Variants in IQSEC3 observed in about 807,000 individuals in gnomAD.
IQSEC3 encodes IQ motif and SEC7 domain-containing protein 3.
In IQSEC3, 50 loss-of-function variants were observed where a neutral mutation model predicts 105.4. The observed-to-expected ratio is 0.47, with a 90% CI of 0.38 to 0.60. The LOEUF is 0.60. Among genes scored for constraint, IQSEC3 ranks in the 20% least tolerant of loss-of-function variants. IQSEC3 has a pLI of 0.00. For missense variants in IQSEC3, 1,415 were observed against 1,630.0 expected (o/e 0.87, Z 2.27); for synonymous variants, 708 against 746.0 (o/e 0.95, Z 0.83).
chr12:126,594 G>GT (rs1865422824), intron 3 of IQSEC3, among the ~76,000 whole-genome samples: 3 of 150,674 alleles, frequency 2.0e-5, no homozygotes, highest in African/African-American at 4.9e-5. Flanking sequence ...AAGGTGTGAT[G>GT]GTGTGATACT....
Position 152,112 on chromosome 12 carries a change from C to T in IQSEC3, c.2154-4913C>T, listed in dbSNP as rs374655711. Among the ~76,000 whole-genome samples the T allele has an allele frequency of 8.2e-4, 124 of 151,834 alleles. No homozygotes were observed. Among genetic ancestry groups the T allele is most frequent in the Non-Finnish European group, 1.4e-3 (98 of 67,984 alleles). On this transcript the variant is annotated intron_variant, in intron 5 of 13. Transcript: ENST00000538872. This position sits in a 1 kb window ranked among gnomAD's most constrained non-coding sequence, Gnocchi z 4.8. ...CAGGTCCCGAGCACAGCCTTGCACA[C>T]GGGGCCACTCAGTGCTCGTTGCTGA... is the stretch of plus-strand genomic sequence containing the variant.
At chr12:153,012 A>G (rs1866559464) in intron 5 of IQSEC3, among the ~76,000 whole-genome samples, 1 of 152,134 alleles carries the variant, frequency 6.6e-6, no homozygotes, top group Admixed American at 6.5e-5. Context: ...GGCAGCAAAG[A>G]AGGCTGGAAA....
chr12:177,702 C>T lies in IQSEC3; in HGVS notation c.*2669C>T, dbSNP rs1415038282. The T allele has an allele frequency of 6.6e-6, 1 of 152,564 alleles. No homozygotes were observed. Among genetic ancestry groups the T allele is most frequent in the Non-Finnish European group, 1.5e-5 (1 of 68,318 alleles). 9.5% of individuals were successfully genotyped at this position (152,564 alleles called of 1,614,324 possible). A position where few individuals can be genotyped will look rare whatever the true frequency, so the allele number is the denominator to read the frequency against. ...GCAAGTGCCCAACATCTGTAACCTC[C>T]CTTCCCTGCTCAGTCCCCAGGCCAA... On this transcript the variant is annotated 3_prime_UTR_variant, in exon 14 of 14. Transcript: ENST00000538872. The surrounding 1 kb of genome is among the most constrained non-coding windows in gnomAD (Gnocchi z 5.3).
At position 175,416 on chromosome 12, in the gene IQSEC3, T is replaced by A; in HGVS notation, c.*383T>A. 5.0e-6 allele frequency: 1 copy of A among 199,616 alleles called. No homozygotes were observed. Among genetic ancestry groups the A allele is most frequent in the African/African-American group, 2.3e-5 (1 of 43,078 alleles). The allele number at this position is 199,616 out of a possible 1,614,324, so 12.4% of individuals were successfully genotyped here. On this transcript the variant is annotated 3_prime_UTR_variant, in exon 14 of 14. Coordinates refer to ENST00000538872, the MANE Select transcript of IQSEC3 (RefSeq NM_001170738.2). ...GGGCCTCGGGCCTTGGGCAGCAGCA[T>A]GAGGCTGGGCCGGCCGGCAGTGGAG...
At chr12:161,901 A>G in intron 7 of IQSEC3, 25 bp from the exon 8 acceptor site, 2 of 1,473,652 alleles carry the variant, frequency 1.4e-6, no homozygotes, top group Non-Finnish European at 1.8e-6. Flanking sequence ...CCCCACCACC[A>G]CCCCTGCCCA....
At position 138,774 on chromosome 12, in the gene IQSEC3, C is replaced by T; in HGVS notation, c.1411C>T (p.Pro471Ser). ...GCCCGGGGATGACGCCGCGGAGACC[C>T]CCGGCCTGCCCCCGGCCCACAGCGG... ...PGPGDDAAETPGLPPAHSGTL... is the reference protein window; with the variant it reads ...PGPGDDAAETSGLPPAHSGTL... Residue 471 changes from proline to serine, a missense_variant, in exon 4 of 14, where the codon CCC becomes TCC. Pro to Ser is a moderately conservative substitution (Grantham distance 74). This residue lies in a region of IQSEC3 where 720 missense variants were observed against 633.0 expected (regional missense o/e 1.14). Transcript: ENST00000538872. This position sits in a 1 kb window ranked among gnomAD's most constrained non-coding sequence, Gnocchi z 7.1. The T allele has an allele frequency of 6.3e-7, 1 of 1,595,128 alleles. No homozygotes were observed. Among genetic ancestry groups the T allele is most frequent in the Non-Finnish European group, 8.5e-7 (1 of 1,174,584 alleles).
In IQSEC3 at chr12:165,464, T is replaced by C; in HGVS notation, c.2740T>C (p.Ser914Pro). 2.5e-6 allele frequency: 4 copies of C among 1,614,074 alleles called. No homozygotes were observed. The highest frequency in any genetic ancestry group is 3.4e-6 in the Non-Finnish European group (4 of 1,179,996). Reference sequence around the variant, plus strand: ...CAAACTTTGCCCGAAGAAGAAGAGCTCCTCCACGTACACCTTTTGCAAGTC... The same window carrying C: ...CAAACTTTGCCCGAAGAAGAAGAGCCCCTCCACGTACACCTTTTGCAAGTC... Reference protein sequence around the residue: ...ILKLCPKKKSSSTYTFCKSVG... With the variant: ...ILKLCPKKKSPSTYTFCKSVG... Residue 914 changes from serine to proline, a missense_variant, in exon 10 of 14, where the codon TCC becomes CCC. Ser to Pro is a moderately conservative substitution (Grantham distance 74, BLOSUM62 -1). Transcript: ENST00000538872.
chr12:153,192 G>A (rs1475162755), intron 5 of IQSEC3, among the ~76,000 whole-genome samples: 1 of 152,078 alleles, frequency 6.6e-6, no homozygotes, highest in East Asian at 1.9e-4. Context: ...GGTGCTTCCA[G>A]GGGGACACGG....
intron 1 of IQSEC3, among the ~76,000 whole-genome samples, chr12:92,288 C>T (rs1197311884): frequency 2.0e-5 from 3 of 152,298 alleles, no homozygotes; most frequent in Non-Finnish European, 4.4e-5. Context: ...AGCCAGAGAC[C>T]GAGAATGACG....
intron 1 of IQSEC3, among the ~76,000 whole-genome samples, chr12:69,883 G>T (rs578114853): frequency 6.6e-6 from 1 of 152,392 alleles, no homozygotes; most frequent in East Asian, 1.9e-4. Flanking sequence ...TGTCTATGAT[G>T]CAGGACAAGA....
intron 12 of IQSEC3, 47 bp downstream of exon 12, chr12:169,152 CG>C (rs1320062929): frequency 6.6e-7 from 1 of 1,518,646 alleles, no homozygotes; most frequent in Non-Finnish European, 9.1e-7. Flanking sequence ...GGAGGCCACT[CG>C]GGGACCCTGG....
chr12:125,784 T>A lies in IQSEC3; in HGVS notation c.775T>A (p.Ser259Thr), dbSNP rs1349446357. 6.6e-7 allele frequency: 1 copy of A among 1,515,038 alleles called. No homozygotes were observed. The highest frequency in any genetic ancestry group is 1.4e-5 in the African/African-American group (1 of 71,610). The allele number at this position is 1,515,038 out of a possible 1,614,324, so 93.8% of individuals were successfully genotyped here. A position where few individuals can be genotyped will look rare whatever the true frequency, so the allele number is the denominator to read the frequency against. ...EEERPGAGAA[S>T]PRAGPQHKAS... is the part of the protein sequence containing the mutation. ...GGAGCGGCCGGGGGCAGGGGCTGCCTCCCCAAGGGCTGGCCCCCAGCACAA... is the reference window on the plus strand; with the variant it reads ...GGAGCGGCCGGGGGCAGGGGCTGCCACCCCAAGGGCTGGCCCCCAGCACAA... The change falls in exon 3 of 14, where the codon TCC becomes ACC. Residue 259 changes from serine to threonine, a missense_variant. By Grantham distance (58) the Ser-to-Thr change is moderately conservative (BLOSUM62 1). Coordinates refer to ENST00000538872, the MANE Select transcript of IQSEC3 (RefSeq NM_001170738.2).
intron 1 of IQSEC3, among the ~76,000 whole-genome samples, chr12:89,238 G>T (rs1412840025): frequency 3.9e-5 from 6 of 151,930 alleles, no homozygotes; most frequent in Admixed American, 1.3e-4. Context: ...GCTCAGTGAT[G>T]AACCATCTAG....
At chr12:134,322 C>T (rs1265419730) in intron 3 of IQSEC3, among the ~76,000 whole-genome samples, 2 of 152,216 alleles carry the variant, frequency 1.3e-5, no homozygotes, top group African/African-American at 4.8e-5. Context: ...TGTGATGGGA[C>T]AGATGCAAGA....
chr12:126,574 C>T (rs73036118), intron 3 of IQSEC3, among the ~76,000 whole-genome samples: 27,108 of 109,146 alleles, frequency 0.25, 3,008 homozygotes, highest in Admixed American at 0.3. Context: ...TGTGTGTGTG[C>T]GCTTAGAGAA....
intron 1 of IQSEC3, among the ~76,000 whole-genome samples, chr12:76,616 A>T (rs1319851145): frequency 1.3e-5 from 2 of 152,212 alleles, no homozygotes; most frequent in Non-Finnish European, 2.9e-5. Flanking sequence ...CCCTCTGTAA[A>T]ATGGGGCAAA....
At chr12:69,251 T>G (rs1863214179) in intron 1 of IQSEC3, among the ~76,000 whole-genome samples, 1 of 152,184 alleles carries the variant, frequency 6.6e-6, no homozygotes, top group Non-Finnish European at 1.5e-5. Context: ...CCAAGAAGAG[T>G]TGAGGAAAGA....
At chr12:144,325 A>G (rs1480672817) in intron 5 of IQSEC3, 1 of 152,122 alleles carries the variant, frequency 6.6e-6, no homozygotes, top group Admixed American at 6.5e-5. Context: ...GCCAGGTGCC[A>G]TTTTGCCCAG....
intron 1 of IQSEC3, among the ~76,000 whole-genome samples, chr12:79,516 G>A (rs569499188): frequency 2.6e-5 from 4 of 152,140 alleles, no homozygotes; most frequent in East Asian, 3.9e-4. Context: ...CTGCAGCCTC[G>A]AACTCCTGCG....
Sources: allele counts gnomAD v4.1 joint callset (sites outside exome capture counted in the v4.1 genomes callset), GRCh38; gene constraint gnomAD v4.1.1; regional missense constraint gnomAD v4.1.1; non-coding constraint Gnocchi (gnomAD v3.1); transcripts MANE v1.5; gene names NCBI Gene and HGNC (gene_info 2026-07-23, HGNC 2026-07-21).